The following C2orf92 variants were observed in gnomAD, a reference collection of about 807,000 sequenced individuals.
The protein encoded by C2orf92 is uncharacterized protein C2orf92.
At chr2:97,666,199 T>G (rs1405926094), upstream of C2orf92, among the ~76,000 whole-genome samples, 1 of 151,736 alleles carries the variant, frequency 6.6e-6, no homozygotes, top group Non-Finnish European at 1.5e-5. Flanking sequence ...TAGCATCTTA[T>G]GACCATGGGT....
At chr2:97,698,707 A>G (rs1000133220) in intron 5 of C2orf92, among the ~76,000 whole-genome samples, 33 of 152,298 alleles carry the variant, frequency 2.2e-4, no homozygotes, top group African/African-American at 7.2e-4. Context: ...CCCCAGACCT[A>G]TGGAATCAGA....
Position 97,679,319 on chromosome 2 carries a change from C to T in C2orf92, c.232+3391C>T, listed in dbSNP as rs57619871. ...AATTACACATCTGTTAATGGTCATA[C>T]AGTGTATAAAGATAGACTCTGTAAT... On this transcript the variant is annotated intron_variant, in intron 3 of 7. Coordinates refer to ENST00000627399, the MANE Select transcript of C2orf92 (RefSeq NM_001351368.2). Among the ~76,000 whole-genome samples, 1,373 of 152,164 alleles carry T rather than the reference C, an allele frequency of 9.0e-3. 22 individuals are homozygous for T. The highest frequency in any genetic ancestry group is 0.03 in the African/African-American group (1,259 of 41,504).
intron 3 of C2orf92, among the ~76,000 whole-genome samples, chr2:97,683,999 G>A (rs1675868282): frequency 6.7e-6 from 1 of 150,052 alleles, no homozygotes; most frequent in African/African-American, 2.5e-5. Context: ...CTAGTAGCTG[G>A]GATTACAGGT....
At chr2:97,679,839 AAAAAAAAAAAAAAAG>A (rs1020332816) in intron 3 of C2orf92, among the ~76,000 whole-genome samples, 1 of 147,998 alleles carries the variant, frequency 6.8e-6, no homozygotes, top group Non-Finnish European at 1.5e-5. Flanking sequence ...CTCTATCTCA[AAAAAAAAAAAAAAAG>A]AAAAAAAAGA....
intron 3 of C2orf92, among the ~76,000 whole-genome samples, chr2:97,684,031 A>AT (rs1204247684): frequency 0.073 from 7,859 of 107,190 alleles, 750 homozygotes; most frequent in Non-Finnish European, 0.11. Context: ...TGCCCAGCTA[A>AT]TTTTTTTTTT....
chr2:97,696,021 C>G (rs1676296731), intron 5 of C2orf92, among the ~76,000 whole-genome samples: 1 of 152,194 alleles, frequency 6.6e-6, no homozygotes, highest in Non-Finnish European at 1.5e-5. Flanking sequence ...CAAGACCTAA[C>G]TACTGATCTG....
intron 5 of C2orf92, chr2:97,694,381 A>C: frequency 6.7e-6 from 1 of 149,930 alleles, no homozygotes; most frequent in East Asian, 1.9e-4. Flanking sequence ...CTGGGACTAC[A>C]GGGACTACAG....
chr2:97,664,963 T>C (rs1675158691), upstream of C2orf92, among the ~76,000 whole-genome samples: 1 of 152,248 alleles, frequency 6.6e-6, no homozygotes. Context: ...TGGCATTTAT[T>C]GAGCACCTGC....
chr2:97,671,691 G>C, intron 1 of C2orf92: 1 of 381,518 alleles, frequency 2.6e-6, no homozygotes, highest in Non-Finnish European at 4.6e-6. Context: ...ACCTCAAAAG[G>C]ACCCTACTGA....
At chr2:97,699,728 C>T (rs1453224906) in intron 6 of C2orf92, among the ~76,000 whole-genome samples, 1 of 152,238 alleles carries the variant, frequency 6.6e-6, no homozygotes, top group Non-Finnish European at 1.5e-5. Context: ...TGAGCCCAGA[C>T]CTGTTTAGAG....
Position 97,693,396 on chromosome 2 carries a change from C to A in C2orf92, c.403+3069C>A, listed in dbSNP as rs987519356. On this transcript the variant is annotated intron_variant, in intron 5 of 7. Coordinates refer to ENST00000627399, the MANE Select transcript of C2orf92 (RefSeq NM_001351368.2). ...AATCTATCTTTAATTTTTTGAGGAA[C>A]CTCCATATTGTTTCCATAGCAGCTA... Among the ~76,000 whole-genome samples, 4 of 152,080 alleles carry A rather than the reference C, an allele frequency of 2.6e-5. No homozygotes were observed. The South Asian group carries it at 6.2e-4, about 24-fold the overall frequency.
At chr2:97,690,145 C>A (rs12997695) in intron 4 of C2orf92, 111 bp from the exon 5 acceptor site, 182,040 of 347,604 alleles carry the variant, frequency 0.52, 52,549 homozygotes, top group Non-Finnish European at 0.64. Flanking sequence ...CAAAAAAAAA[C>A]CACAAAAAAA....
intron 3 of C2orf92, among the ~76,000 whole-genome samples, chr2:97,685,427 G>A (rs560912536): frequency 3.3e-5 from 5 of 150,754 alleles, no homozygotes; most frequent in Non-Finnish European, 5.9e-5. Context: ...CACCATGGCC[G>A]GCTAATTTTT....
At chr2:97,689,203 G>C (rs1310143844) in intron 4 of C2orf92, among the ~76,000 whole-genome samples, 1 of 152,156 alleles carries the variant, frequency 6.6e-6, no homozygotes, top group Non-Finnish European at 1.5e-5. Context: ...GAATATCCCT[G>C]TATTTTGGGG....
intron 1 of C2orf92, 132 bp downstream of exon 1, chr2:97,669,966 A>C: frequency 1.3e-5 from 5 of 393,114 alleles, no homozygotes; most frequent in Non-Finnish European, 1.8e-5. Context: ...ACCTCCCCAA[A>C]TCTGCCATTC....
intron 1 of C2orf92, chr2:97,671,758 A>G (rs983768206): frequency 1.5e-5 from 5 of 341,100 alleles, no homozygotes; most frequent in Non-Finnish European, 2.1e-5. Flanking sequence ...GCCACCTCAC[A>G]CTAGCTGTGA....
upstream of C2orf92, chr2:97,669,395 C>T (rs916184094): frequency 4.5e-5 from 7 of 155,402 alleles, no homozygotes; most frequent in African/African-American, 1.4e-4. Context: ...CCTCTGCGCC[C>T]GGCTGTGATG....
At chr2:97,690,188 G>A (rs1162183995) in intron 4 of C2orf92, 68 bp from the exon 5 acceptor site, 1 of 396,196 alleles carries the variant, frequency 2.5e-6, no homozygotes, top group Non-Finnish European at 4.5e-6. Flanking sequence ...TGGGCCCAAG[G>A]TGCTTGCAAA....
At position 97,702,992 on chromosome 2, in the gene C2orf92, C is replaced by T. The variant is rs1676548816; in HGVS notation, c.*191C>T. The T allele has an allele frequency of 5.1e-6, 2 of 390,042 alleles. No homozygotes were observed. Among genetic ancestry groups the T allele is most frequent in the Non-Finnish European group, 4.5e-6 (1 of 221,362 alleles). 24.2% of individuals were successfully genotyped at this position (390,042 alleles called of 1,614,324 possible). A position where few individuals can be genotyped will look rare whatever the true frequency, so the allele number is the denominator to read the frequency against. On this transcript the variant is annotated 3_prime_UTR_variant, in exon 8 of 8. Coordinates refer to ENST00000627399, the MANE Select transcript of C2orf92 (RefSeq NM_001351368.2). ...TAGGACACTTGTGGCAATATGGCACCGATGGCTGGCGTCGGTGAACCCGAC... is the reference window on the plus strand; with the variant it reads ...TAGGACACTTGTGGCAATATGGCACTGATGGCTGGCGTCGGTGAACCCGAC...
Sources: gnomAD v4.1 joint callset for allele counts (sites outside exome capture counted in the v4.1 genomes callset) on GRCh38, gnomAD v4.1.1 for gene constraint, MANE v1.5 for transcripts, NCBI Gene and HGNC (gene_info 2026-07-23, HGNC 2026-07-21) for gene names.